The following GRID2 variants were observed in gnomAD, a reference collection of about 807,000 sequenced individuals.
The protein encoded by GRID2 is glutamate receptor ionotropic, delta-2.
GRID2 carries 33 observed loss-of-function variants against 114.8 expected under a neutral mutation model. The observed-to-expected ratio is 0.29, with a 90% CI of 0.22 to 0.38. The LOEUF (loss-of-function observed/expected upper bound fraction) is 0.38, where lower values mean the gene tolerates loss of function less well. Ranked by LOEUF, GRID2 falls within the 10% of genes least tolerant of loss-of-function variation. The pLI is 1.00. For missense variants in GRID2, 1,184 were observed against 1,257.7 expected (o/e 0.94, Z 0.89); for synonymous variants, 505 against 449.9 (o/e 1.12, Z -1.55).
At chr4:93,665,850 C>A (rs756134009) in intron 14 of GRID2, among the ~76,000 whole-genome samples, 25 of 152,136 alleles carry the variant, frequency 1.6e-4, no homozygotes, top group Non-Finnish European at 2.5e-4. Flanking sequence ...ACTATTTATA[C>A]TTCCTTCCTG....
chr4:93,021,883 A>G (rs944096239), intron 2 of GRID2, among the ~76,000 whole-genome samples: 3 of 148,874 alleles, frequency 2.0e-5, no homozygotes, highest in Non-Finnish European at 3.0e-5. Context: ...GTAAATGATA[A>G]AATTTTTAAA....
chr4:93,506,011 C>T (rs1428874501), intron 12 of GRID2, among the ~76,000 whole-genome samples: 9 of 152,134 alleles, frequency 5.9e-5, no homozygotes, highest in Non-Finnish European at 7.3e-5. Context: ...AGCAGTAAGA[C>T]GTGCAGCATT....
intron 10 of GRID2, among the ~76,000 whole-genome samples, chr4:93,423,336 C>CTTTTTTTTTTTTTTTTTTTT (rs554663844): frequency 2.7e-5 from 2 of 73,570 alleles, no homozygotes; most frequent in African/African-American, 5.7e-5. Context: ...TTTTTTCTTT[C>CTTTTTTTTTTTTTTTTTTTT]TTTTTTTTTT....
At chr4:93,497,511 T>C (rs752013999) in intron 12 of GRID2, among the ~76,000 whole-genome samples, 4 of 151,856 alleles carry the variant, frequency 2.6e-5, no homozygotes, top group Non-Finnish European at 4.4e-5. Flanking sequence ...ATTTACATAT[T>C]TGATGCATTT....
intron 1 of GRID2, among the ~76,000 whole-genome samples, chr4:92,340,596 T>C (rs563684039): frequency 4.6e-5 from 7 of 152,228 alleles, no homozygotes; most frequent in Admixed American, 2.0e-4. Flanking sequence ...ACCTACTCAT[T>C]GCTCAAAATT....
chr4:92,619,464 T>C (rs576500371), intron 2 of GRID2, among the ~76,000 whole-genome samples: 1 of 151,758 alleles, frequency 6.6e-6, no homozygotes, highest in Admixed American at 6.6e-5. Flanking sequence ...TATTCTAATC[T>C]GTTGCTTGAC....
intron 1 of GRID2, among the ~76,000 whole-genome samples, chr4:92,404,727 G>A (rs903096241): frequency 6.6e-6 from 1 of 152,106 alleles, no homozygotes; most frequent in East Asian, 1.9e-4. Flanking sequence ...CATGTCCTTT[G>A]CAGGGACATG....
intron 2 of GRID2, among the ~76,000 whole-genome samples, chr4:93,046,401 A>G (rs898065338): frequency 6.6e-6 from 1 of 152,102 alleles, no homozygotes; most frequent in Non-Finnish European, 1.5e-5. Context: ...AATGTAGAGA[A>G]AAATAGTGTA....
chr4:92,357,823 A>G (rs190989202), intron 1 of GRID2, among the ~76,000 whole-genome samples: 1 of 151,914 alleles, frequency 6.6e-6, no homozygotes, highest in Non-Finnish European at 1.5e-5. Flanking sequence ...ACAAATCTAT[A>G]TTGAACAAGT....
intron 5 of GRID2, among the ~76,000 whole-genome samples, chr4:93,211,914 C>A (rs904999153): frequency 2.0e-5 from 3 of 152,040 alleles, no homozygotes; most frequent in Non-Finnish European, 2.9e-5. Context: ...TCCATTCACC[C>A]GCATACTTAT....
At chr4:92,909,827 T>G (rs1748236463) in intron 2 of GRID2, among the ~76,000 whole-genome samples, 1 of 152,136 alleles carries the variant, frequency 6.6e-6, no homozygotes, top group Non-Finnish European at 1.5e-5. Flanking sequence ...CTTAAGGAAC[T>G]CATAGCTTAA....
chr4:92,452,827 A>C (rs1720999697), intron 1 of GRID2, among the ~76,000 whole-genome samples: 1 of 127,102 alleles, frequency 7.9e-6, no homozygotes, highest in African/African-American at 2.8e-5. Flanking sequence ...TGTTTACCAT[A>C]TATATATATT....
At chr4:92,601,402 G>A (rs1016671062) in intron 2 of GRID2, among the ~76,000 whole-genome samples, 4 of 152,104 alleles carry the variant, frequency 2.6e-5, no homozygotes, top group Admixed American at 2.0e-4. Flanking sequence ...ACAACTAAAT[G>A]GAAATTGAAC....
intron 10 of GRID2, among the ~76,000 whole-genome samples, chr4:93,452,536 A>G (rs540005463): frequency 6.6e-6 from 1 of 152,262 alleles, no homozygotes; most frequent in South Asian, 2.1e-4. Context: ...CAGGAACTTA[A>G]GTATCTGAAA....
chr4:93,443,271 T>G (rs963005826), intron 10 of GRID2, among the ~76,000 whole-genome samples: 2 of 152,010 alleles, frequency 1.3e-5, no homozygotes, highest in Non-Finnish European at 2.9e-5. Context: ...TAATTCCCTA[T>G]AATGCCTTAT....
intron 2 of GRID2, among the ~76,000 whole-genome samples, chr4:92,601,590 C>G (rs147304308): frequency 0.01 from 1,556 of 152,112 alleles, 72 homozygotes; most frequent in Admixed American, 0.081. Flanking sequence ...AGAAAGATGT[C>G]AAATTGACAT....
chr4:93,204,371 T>C (rs763487340), intron 4 of GRID2, among the ~76,000 whole-genome samples: 6 of 152,186 alleles, frequency 3.9e-5, no homozygotes, highest in African/African-American at 9.7e-5. Context: ...TACTTGCCTA[T>C]GGTGAAGAGC....
intron 1 of GRID2, among the ~76,000 whole-genome samples, chr4:92,475,624 T>C (rs1560655975): frequency 6.6e-6 from 1 of 152,072 alleles, no homozygotes; most frequent in Non-Finnish European, 1.5e-5. Flanking sequence ...CCAAATTTGT[T>C]ATTTTGTCTA....
At chr4:93,386,859 G>T (rs555163698) in intron 8 of GRID2, among the ~76,000 whole-genome samples, 78 of 152,234 alleles carry the variant, frequency 5.1e-4, no homozygotes, top group African/African-American at 1.8e-3. Flanking sequence ...TCCTGGAAAG[G>T]TTCATCTCAG....
Sources: gnomAD v4.1 joint callset for allele counts (sites outside exome capture counted in the v4.1 genomes callset) on GRCh38, gnomAD v4.1.1 for gene constraint, MANE v1.5 for transcripts, NCBI Gene and HGNC (gene_info 2026-07-23, HGNC 2026-07-21) for gene names.